The following RGPD4 variants were observed in gnomAD, a reference collection of about 807,000 sequenced individuals.
The protein encoded by RGPD4 is ranBP2-like and GRIP domain-containing protein 4.
A neutral mutation model predicts 141.1 loss-of-function variants in RGPD4; 84 were observed. The ratio of observed to expected loss-of-function variants is 0.60; its 90% CI spans 0.50 to 0.71. The LOEUF is 0.71. RGPD4 is among the 30% of genes least tolerant of loss of function. The pLI is 0.00. For synonymous variants in RGPD4, 298 were observed against 566.8 expected, an observed-to-expected ratio of 0.53 and a Z score of 6.74; for missense variants, 918 against 1,622.4, an observed-to-expected ratio of 0.57 and a Z score of 7.46.
chr2:107,844,421 C>T (rs75418180), intron 6 of RGPD4, among the ~76,000 whole-genome samples: 119 of 138,174 alleles, frequency 8.6e-4, no homozygotes, highest in African/African-American at 2.2e-3. Flanking sequence ...TTACATACTA[C>T]AAGATTGGAG....
intron 1 of RGPD4, among the ~76,000 whole-genome samples, chr2:107,829,961 G>A (rs999201512): frequency 2.6e-5 from 4 of 152,014 alleles, no homozygotes; most frequent in Admixed American, 1.3e-4. Context: ...ACGCAGCTCC[G>A]GGTGAGCTTT....
At chr2:107,831,862 G>C (rs3113783) in intron 1 of RGPD4, among the ~76,000 whole-genome samples, 74,116 of 111,808 alleles carry the variant, frequency 0.66, 25,951 homozygotes, top group Middle Eastern at 0.75. Context: ...TGAGCCACCG[G>C]GCCGGGCCCC....
At chr2:107,854,001 G>A (rs932302121) in intron 7 of RGPD4, among the ~76,000 whole-genome samples, 27 of 145,424 alleles carry the variant, frequency 1.9e-4, no homozygotes, top group Non-Finnish European at 3.5e-4. Flanking sequence ...CCCCCACCTT[G>A]GCCTCCCAAA....
chr2:107,852,454 CTT>C (rs1318544690), intron 7 of RGPD4, among the ~76,000 whole-genome samples: 1 of 135,784 alleles, frequency 7.4e-6, no homozygotes, highest in Non-Finnish European at 1.6e-5. Flanking sequence ...AGATGACAAA[CTT>C]TGACATGATG....
At chr2:107,831,572 CTTTTTTTTT>C (rs1166609493) in intron 1 of RGPD4, among the ~76,000 whole-genome samples, 1 of 108,830 alleles carries the variant, frequency 9.2e-6, no homozygotes, top group South Asian at 2.7e-4. Flanking sequence ...CTTTTCTTTT[CTTTTTTTTT>C]TTTTTTTTTT....
At position 107,869,895 on chromosome 2, in the gene RGPD4, G is replaced by T. The variant is rs1370105767; in HGVS notation, c.2618G>T (p.Gly873Val). The T allele has an allele frequency of 7.0e-7, 1 of 1,429,054 alleles. No individual in the cohort carries two copies. The highest frequency in any genetic ancestry group is 9.4e-7 in the Non-Finnish European group (1 of 1,066,220). The allele number at this position is 1,429,054 out of a possible 1,614,324, so 88.5% of individuals were successfully genotyped here. A position where few individuals can be genotyped will look rare whatever the true frequency, so the allele number is the denominator to read the frequency against. Residue 873 changes from glycine (G) to valine (V), a missense_variant, in exon 19 of 23, where the codon GGC (glycine) becomes GTC (valine). Transcript: ENST00000408999. ...HGAPLTVATT[G>V]PSVYYSQSPA... ...TTTTTTTTTTTAGTTGCAACTACTG[G>T]CCCTTCAGTATATTATAGTCAGTCA...
chr2:107,833,996 A>G (rs1218765932), intron 1 of RGPD4, among the ~76,000 whole-genome samples: 1 of 119,646 alleles, frequency 8.4e-6, no homozygotes, highest in African/African-American at 3.4e-5. Context: ...ACAGAGCAAG[A>G]CTCCATCTCA....
chr2:107,844,837 T>TTG (rs1191715209), intron 6 of RGPD4, among the ~76,000 whole-genome samples: 3 of 91,628 alleles, frequency 3.3e-5, no homozygotes, highest in African/African-American at 9.4e-5. Context: ...TTTGTTTTTT[T>TTG]TTTTTTTTTT....
At chr2:107,882,282 C>T (rs1331216036) in intron 21 of RGPD4, among the ~76,000 whole-genome samples, 1 of 149,660 alleles carries the variant, frequency 6.7e-6, no homozygotes, top group East Asian at 1.9e-4. Flanking sequence ...CTTGATGTGT[C>T]TCATCTACTT....
At chr2:107,846,232 G>T (rs550137801) in intron 6 of RGPD4, among the ~76,000 whole-genome samples, 3 of 149,302 alleles carry the variant, frequency 2.0e-5, no homozygotes, top group African/African-American at 7.5e-5. Context: ...GGCTGGTCTC[G>T]ATCTCTTGAC....
At chr2:107,877,765 G>T (rs1329219921) in intron 20 of RGPD4, among the ~76,000 whole-genome samples, 1 of 151,662 alleles carries the variant, frequency 6.6e-6, no homozygotes. Flanking sequence ...ATTTATAGCT[G>T]CTATTAAAAT....
At chr2:107,845,048 C>G (rs1681875005) in intron 6 of RGPD4, among the ~76,000 whole-genome samples, 2 of 141,124 alleles carry the variant, frequency 1.4e-5, no homozygotes, top group Non-Finnish European at 3.0e-5. Context: ...GTCTCAATCT[C>G]TCTTTTTTTT....
intron 22 of RGPD4, among the ~76,000 whole-genome samples, chr2:107,884,201 C>A (rs1252227534): frequency 1.3e-5 from 2 of 152,032 alleles, no homozygotes; most frequent in Admixed American, 1.3e-4. Context: ...ACCTCCGCCT[C>A]CCGGATTCAA....
intron 21 of RGPD4, among the ~76,000 whole-genome samples, chr2:107,881,819 A>G (rs1467562408): frequency 6.6e-6 from 1 of 151,556 alleles, no homozygotes; most frequent in African/African-American, 2.4e-5. Context: ...CCTTTTTTAT[A>G]TCATTCTTTG....
At chr2:107,884,792 T>A (rs1675464699) in intron 22 of RGPD4, among the ~76,000 whole-genome samples, 1 of 151,522 alleles carries the variant, frequency 6.6e-6, no homozygotes, top group Admixed American at 6.6e-5. Flanking sequence ...TCTGGTATAC[T>A]TACTAAAATT....
intron 22 of RGPD4, among the ~76,000 whole-genome samples, chr2:107,888,891 C>G (rs1451387982): frequency 1.4e-5 from 2 of 142,676 alleles, no homozygotes; most frequent in Non-Finnish European, 3.0e-5. Flanking sequence ...GATTGCAGCC[C>G]TGTGAGAGAC....
At chr2:107,853,113 AC>A (rs1331429176) in intron 7 of RGPD4, among the ~76,000 whole-genome samples, 1 of 82,918 alleles carries the variant, frequency 1.2e-5, no homozygotes, top group Admixed American at 1.4e-4. Flanking sequence ...GTATCAAATT[AC>A]ATTTCCACCA....
At chr2:107,875,490 G>A (rs1194037630) in intron 20 of RGPD4, among the ~76,000 whole-genome samples, 1 of 139,686 alleles carries the variant, frequency 7.2e-6, no homozygotes, top group Non-Finnish European at 1.5e-5. Context: ...ATGTTTCCCT[G>A]TCACCAGTTG....
At chr2:107,833,339 T>C (rs1681560815) in intron 1 of RGPD4, among the ~76,000 whole-genome samples, 1 of 152,238 alleles carries the variant, frequency 6.6e-6, no homozygotes, top group East Asian at 1.9e-4. Context: ...CTGTGCAAGA[T>C]AGTGATGATG....
Sources: gnomAD v4.1 joint callset for allele counts (sites outside exome capture counted in the v4.1 genomes callset) on GRCh38, gnomAD v4.1.1 for gene constraint, MANE v1.5 for transcripts, NCBI Gene and HGNC (gene_info 2026-07-23, HGNC 2026-07-21) for gene names.